Variants in TULP4 observed in about 807,000 individuals in gnomAD.
TULP4 encodes tubby-related protein 4.
In TULP4, 16 loss-of-function variants were observed where a neutral mutation model predicts 129.0. That is an observed-to-expected ratio of 0.12 (90% CI 0.08 to 0.19). The LOEUF is 0.19. TULP4 is among the 10% of genes least tolerant of loss of function. TULP4 has a pLI of 1.00. For missense variants in TULP4, 1,842 were observed against 2,059.1 expected (o/e 0.89, Z 2.04); for synonymous variants, 998 against 854.0 (o/e 1.17, Z -2.94).
chr6:158,503,352 T>C lies in TULP4; in HGVS notation c.3689T>C (p.Leu1230Pro). The change falls in exon 13 of 14, where the codon CTG (leucine) becomes CCG (proline). Residue 1230 changes from leucine (L) to proline (P), a missense_variant. By Grantham distance (98) the Leu-to-Pro change is moderately conservative. This residue lies in a region of TULP4 where 1,089 missense variants were observed against 987.1 expected (regional missense o/e 1.10). Coordinates refer to ENST00000367097, the MANE Select transcript of TULP4 (RefSeq NM_020245.5). The surrounding 1 kb of genome is among the most constrained non-coding windows in gnomAD (Gnocchi z 4.3). Reference sequence around the variant, plus strand: ...GAGCCTGCTGTGGTCCTTCAGCCGCTGTACCCACCCAGCCTCTCCTATTGC... The same window carrying C: ...GAGCCTGCTGTGGTCCTTCAGCCGCCGTACCCACCCAGCCTCTCCTATTGC... Reference protein sequence around the residue: ...QQEPAVVLQPLYPPSLSYCTL... With the variant: ...QQEPAVVLQPPYPPSLSYCTL... 6.2e-7 allele frequency: 1 copy of C among 1,613,742 alleles called. No individual in the cohort carries two copies. Among genetic ancestry groups the C allele is most frequent in the South Asian group, 1.1e-5 (1 of 91,066 alleles).
intron 1 of TULP4, among the ~76,000 whole-genome samples, chr6:158,347,347 T>C (rs1780336527): frequency 6.6e-6 from 1 of 152,216 alleles, no homozygotes; most frequent in African/African-American, 2.4e-5. Flanking sequence ...ATATGAAATA[T>C]ATACATGTTT....
chr6:158,334,570 TC>T (rs1205307865), intron 1 of TULP4, among the ~76,000 whole-genome samples: 13 of 145,504 alleles, frequency 8.9e-5, no homozygotes, highest in African/African-American at 3.3e-4. Flanking sequence ...ATGCAGATCT[TC>T]AACTGTGTGG....
chr6:158,503,678 A>C lies in TULP4; in HGVS notation c.4015A>C (p.Lys1339Gln). 1 of 1,614,014 alleles carries C rather than the reference A, an allele frequency of 6.2e-7. No individual in the cohort carries two copies. Among genetic ancestry groups the C allele is most frequent in the Non-Finnish European group, 8.5e-7 (1 of 1,180,014 alleles). ...RTEKFGKKNRKRLDSRAEEGS... is the reference protein window; with the variant it reads ...RTEKFGKKNRQRLDSRAEEGS... ...AGAAAAATTTGGAAAGAAGAACCGG[A>C]AGCGCCTGGACAGCCGAGCAGAAGA... is the stretch of plus-strand genomic sequence containing the variant. The change falls in exon 13 of 14, where the codon AAG becomes CAG. Residue 1339 changes from lysine to glutamine, a missense_variant. By Grantham distance (53) the Lys-to-Gln change is moderately conservative (BLOSUM62 1). Coordinates refer to ENST00000367097, the MANE Select transcript of TULP4 (RefSeq NM_020245.5). This position sits in a 1 kb window ranked among gnomAD's most constrained non-coding sequence, Gnocchi z 4.3.
chr6:158,399,633 T>C (rs1425327937), intron 1 of TULP4, among the ~76,000 whole-genome samples: 4 of 152,212 alleles, frequency 2.6e-5, no homozygotes, highest in Non-Finnish European at 5.9e-5. Flanking sequence ...ATCAGGCACT[T>C]CATATATGTG....
chr6:158,288,539 C>T (rs1309282002), intron 1 of TULP4, among the ~76,000 whole-genome samples: 20 of 151,528 alleles, frequency 1.3e-4, no homozygotes, highest in Admixed American at 5.9e-4. Context: ...CTCACTCTGT[C>T]GCCCAGGCCG....
chr6:158,366,049 C>T (rs1451235294), intron 1 of TULP4, among the ~76,000 whole-genome samples: 4 of 151,292 alleles, frequency 2.6e-5, no homozygotes, highest in Non-Finnish European at 4.4e-5. Context: ...ACTACAGGTG[C>T]CTGCCACCAC....
At chr6:158,396,120 C>T (rs563610879) in intron 1 of TULP4, among the ~76,000 whole-genome samples, 1 of 152,146 alleles carries the variant, frequency 6.6e-6, no homozygotes, top group Non-Finnish European at 1.5e-5. Flanking sequence ...CTTCGTAGTT[C>T]AATGAGAAAA....
At chr6:158,405,894 TA>T (rs1419502790) in intron 1 of TULP4, among the ~76,000 whole-genome samples, 1 of 152,230 alleles carries the variant, frequency 6.6e-6, no homozygotes, top group Admixed American at 6.5e-5. Context: ...AGTGTGATTT[TA>T]TTTTCTTTCC....
At chr6:158,443,276 C>A (rs1290738635) in intron 3 of TULP4, among the ~76,000 whole-genome samples, 1 of 152,048 alleles carries the variant, frequency 6.6e-6, no homozygotes, top group Non-Finnish European at 1.5e-5. Flanking sequence ...GCCACCGCAC[C>A]CAGCCAATTT....
chr6:158,311,679 A>G (rs1362522116), upstream of TULP4, among the ~76,000 whole-genome samples: 2 of 152,144 alleles, frequency 1.3e-5, no homozygotes, highest in African/African-American at 4.8e-5. Context: ...CTCCTTTTTG[A>G]GGATGCCTGC....
At position 158,449,882 on chromosome 6, in the gene TULP4, T is replaced by TA. The variant is rs1779129264; in HGVS notation, c.724+713dup. ...TCCCATCCCCTGCACCCATCTCTTT[T>TA]AAAAAAATTGAGATACAATAATTGT... On this transcript the variant is annotated intron_variant, in intron 4 of 13. Coordinates refer to ENST00000367097, the MANE Select transcript of TULP4 (RefSeq NM_020245.5). 2.0e-5 allele frequency among the ~76,000 whole-genome samples: 3 copies of TA among 152,084 alleles called. No homozygotes were observed. In the South Asian group the frequency reaches 6.2e-4, roughly 32 times the overall value.
chr6:158,290,233 G>A (rs1227356089), intron 1 of TULP4, among the ~76,000 whole-genome samples: 2 of 152,210 alleles, frequency 1.3e-5, no homozygotes, highest in Non-Finnish European at 2.9e-5. Context: ...TAACTGGGGT[G>A]AGAAGACATC....
At chr6:158,288,155 C>T (rs966599194) in intron 1 of TULP4, among the ~76,000 whole-genome samples, 1 of 152,120 alleles carries the variant, frequency 6.6e-6, no homozygotes. Context: ...ATAATGATTC[C>T]TTTTATATGG....
Position 158,493,769 on chromosome 6 carries a change from C to G in TULP4, c.1776+52C>G. Reference sequence around the variant, plus strand: ...GCTCCCCTCCTCCTGGGGGCTATGCCCAGAGGGCCCCTTCCTACCCGCCGC... The same window carrying G: ...GCTCCCCTCCTCCTGGGGGCTATGCGCAGAGGGCCCCTTCCTACCCGCCGC... On this transcript the variant is annotated intron_variant, in intron 10 of 13. Coordinates refer to ENST00000367097, the MANE Select transcript of TULP4 (RefSeq NM_020245.5). This position sits in a 1 kb window ranked among gnomAD's most constrained non-coding sequence, Gnocchi z 4.4. 6.8e-7 allele frequency: 1 copy of G among 1,477,640 alleles called. No homozygotes were observed. The highest frequency in any genetic ancestry group is 9.0e-7 in the Non-Finnish European group (1 of 1,112,394). The allele number at this position is 1,477,640 out of a possible 1,614,324, so 91.5% of individuals were successfully genotyped here.
rs35426837 is a variant in TULP4, at chr6:158,502,846, G to A, written c.3183G>A (p.Pro1061=). ...ASLAHTASAS[P]LASQSSYSLL... ...TGGCCCATACCGCCAGCGCCTCCCCGTTGGCCTCCCAGTCCTCCTACAGCC... is the reference window on the plus strand; with the variant it reads ...TGGCCCATACCGCCAGCGCCTCCCCATTGGCCTCCCAGTCCTCCTACAGCC... Residue 1061 remains proline (P), a synonymous_variant, in exon 13 of 14, where the codon CCG becomes CCA. Transcript: ENST00000367097. 3,816 of 1,613,452 alleles carry A rather than the reference G, an allele frequency of 2.4e-3. 77 individuals carry two copies. In the African/African-American group the frequency reaches 0.043, roughly 18 times the overall value.
intron 1 of TULP4, among the ~76,000 whole-genome samples, chr6:158,315,610 A>G (rs1274074227): frequency 6.6e-6 from 1 of 152,204 alleles, no homozygotes; most frequent in Non-Finnish European, 1.5e-5. Context: ...GCTCCTTCCC[A>G]GATTTTACAT....
intron 4 of TULP4, among the ~76,000 whole-genome samples, chr6:158,451,381 C>T (rs977819825): frequency 4.6e-5 from 7 of 152,212 alleles, no homozygotes; most frequent in Non-Finnish European, 5.9e-5. Flanking sequence ...AGGCCCACCT[C>T]GATGGCTGCT....
Position 158,452,274 on chromosome 6 carries a change from G to A in TULP4, c.859+6G>A, listed in dbSNP as rs1486717909. On this transcript the variant is annotated splice_donor_region_variant and intron_variant, in intron 5 of 13. Coordinates refer to ENST00000367097, the MANE Select transcript of TULP4 (RefSeq NM_020245.5). ...CATCCGCTCAGGGCTGAAAGGTACA[G>A]AATGCTGCACACACCCCAAACCTGC... is the stretch of plus-strand genomic sequence containing the variant. The A allele has an allele frequency of 1.9e-6, 3 of 1,613,678 alleles. No individual in the cohort carries two copies. In the African/African-American group the frequency reaches 4.0e-5, roughly 22 times the overall value.
At chr6:158,478,018 A>G (rs1054809571) in intron 6 of TULP4, among the ~76,000 whole-genome samples, 4 of 152,226 alleles carry the variant, frequency 2.6e-5, no homozygotes, top group Admixed American at 2.6e-4. Context: ...AAAAAAACCA[A>G]ATACCATATA....
Sources: gnomAD v4.1 joint callset for allele counts (sites outside exome capture counted in the v4.1 genomes callset) on GRCh38, gnomAD v4.1.1 for gene constraint, gnomAD v4.1.1 regional missense constraint, Gnocchi (gnomAD v3.1) non-coding constraint, MANE v1.5 for transcripts, NCBI Gene and HGNC (gene_info 2026-07-23, HGNC 2026-07-21) for gene names.